Variants in FOXP2 observed in about 807,000 individuals in gnomAD.
FOXP2 encodes the protein forkhead box P2.
A neutral mutation model predicts 115.8 loss-of-function variants in FOXP2; 12 were observed. The ratio of observed to expected loss-of-function variants is 0.10; its 90% confidence interval spans 0.07 to 0.17. The LOEUF (loss-of-function observed/expected upper bound fraction) is 0.17. Ranked by LOEUF, FOXP2 falls within the 10% of genes least tolerant of loss-of-function variation. FOXP2 has a pLI of 1.00. For missense variants in FOXP2, 629 were observed against 843.5 expected, an observed-to-expected ratio of 0.75 and a Z score of 3.15; for synonymous variants, 328 against 297.7, an observed-to-expected ratio of 1.10 and a Z score of -1.05.
At chr7:114,226,566 C>A (rs1360471552) in intron 1 of FOXP2, among the ~76,000 whole-genome samples, 3 of 152,066 alleles carry the variant, frequency 2.0e-5, no homozygotes, top group Admixed American at 6.6e-5. Context: ...GAAGAGTTTG[C>A]TCTTAGAATT....
intron 1 of FOXP2, among the ~76,000 whole-genome samples, chr7:114,203,354 A>G (rs1442745242): frequency 6.6e-6 from 1 of 151,930 alleles, no homozygotes; most frequent in South Asian, 2.1e-4. Flanking sequence ...TTTTTTGGAG[A>G]CAGAATCTCA....
intron 2 of FOXP2, among the ~76,000 whole-genome samples, chr7:114,319,662 C>A (rs1258528738): frequency 1.3e-5 from 2 of 152,142 alleles, no homozygotes; most frequent in African/African-American, 4.8e-5. Context: ...CAGTCACCTC[C>A]CACTGGGTCC....
At chr7:114,676,651 G>A (rs1807784409) in intron 16 of FOXP2, among the ~76,000 whole-genome samples, 1 of 151,984 alleles carries the variant, frequency 6.6e-6, no homozygotes, top group Non-Finnish European at 1.5e-5. Flanking sequence ...TATCTATAGG[G>A]TTTTTTAAAA....
rs555128980 is a variant in FOXP2, at chr7:114,642,545, C to T, written c.911C>T (p.Thr304Ile). 1 of 1,613,874 alleles carries T rather than the reference C, an allele frequency of 6.2e-7. No homozygotes were observed. Among genetic ancestry groups the T allele is most frequent in the African/African-American group, 1.3e-5 (1 of 74,970 alleles). ...NNSSSTTSSN[T>I]SKASPPITHH... ...TCCTCCTCGACTACCTCCTCCAACA[C>T]TTCCAAAGCATCACCACCAATAACT... Residue 304 changes from threonine (T) to isoleucine (I), a missense_variant, in exon 7 of 17, where the codon ACT (threonine) becomes ATT (isoleucine). Thr to Ile is a moderately conservative substitution (Grantham distance 89). This residue lies in a region of FOXP2 where 92 missense variants were observed against 80.1 expected (regional missense o/e 1.15). Transcript: ENST00000350908.
At chr7:114,636,360 T>G (rs1805218001) in intron 6 of FOXP2, among the ~76,000 whole-genome samples, 1 of 152,282 alleles carries the variant, frequency 6.6e-6, no homozygotes, top group African/African-American at 2.4e-5. Context: ...AACTGAAAAG[T>G]ACATAGTAAT....
intron 3 of FOXP2, among the ~76,000 whole-genome samples, chr7:114,590,519 A>T (rs1211091905): frequency 6.6e-6 from 1 of 152,076 alleles, no homozygotes; most frequent in Non-Finnish European, 1.5e-5. Context: ...TTAACTTCCC[A>T]AGTCTGCTCC....
intron 2 of FOXP2, chr7:114,463,012 T>C (rs1795645747): frequency 9.6e-6 from 4 of 414,912 alleles, no homozygotes; most frequent in East Asian, 8.0e-5. Context: ...ATATGCATTG[T>C]TGTATTTTTT....
intron 1 of FOXP2, among the ~76,000 whole-genome samples, chr7:114,172,788 T>C (rs2129153238): frequency 6.6e-6 from 1 of 152,284 alleles, no homozygotes; most frequent in African/African-American, 2.4e-5. Context: ...GCAATCTCAA[T>C]GATTCTAAGT....
chr7:114,255,248 T>C (rs1051687246), intron 1 of FOXP2, among the ~76,000 whole-genome samples: 5 of 152,210 alleles, frequency 3.3e-5, no homozygotes, highest in African/African-American at 1.2e-4. Context: ...AGGGACCCAC[T>C]TGAGGAGGCA....
chr7:114,543,132 G>A (rs1799761305), intron 3 of FOXP2, among the ~76,000 whole-genome samples: 1 of 152,040 alleles, frequency 6.6e-6, no homozygotes, highest in African/African-American at 2.4e-5. Context: ...AATCATATAA[G>A]CTCATTACAA....
chr7:114,110,183 C>G (rs1791232391), intron 1 of FOXP2, among the ~76,000 whole-genome samples: 1 of 152,110 alleles, frequency 6.6e-6, no homozygotes, highest in African/African-American at 2.4e-5. Context: ...AGTCGTAGTT[C>G]TAACCTCCGT....
chr7:114,220,887 G>A (rs1051473976), intron 1 of FOXP2, among the ~76,000 whole-genome samples: 2 of 151,994 alleles, frequency 1.3e-5, no homozygotes, highest in Admixed American at 6.6e-5. Context: ...AAACTCTCTC[G>A]AAGTCTTTCT....
intron 10 of FOXP2, 139 bp from the exon 11 acceptor site, chr7:114,657,927 T>C (rs1806672048): frequency 1.4e-5 from 12 of 831,058 alleles, no homozygotes. Context: ...CTGTAATTAG[T>C]TGAGATTGGC....
chr7:114,413,542 G>A (rs890259527), upstream of FOXP2, among the ~76,000 whole-genome samples: 8 of 151,996 alleles, frequency 5.3e-5, no homozygotes, highest in Non-Finnish European at 7.4e-5. Flanking sequence ...GAAAAAAATT[G>A]CTAACAGAAT....
chr7:114,405,441 G>A (rs1377361388), intron 2 of FOXP2, among the ~76,000 whole-genome samples: 1 of 151,794 alleles, frequency 6.6e-6, no homozygotes, highest in Non-Finnish European at 1.5e-5. Flanking sequence ...TATTGGACCT[G>A]ACAATTGCTA....
chr7:114,089,411 G>A (rs902652085), intron 1 of FOXP2, among the ~76,000 whole-genome samples: 1 of 151,842 alleles, frequency 6.6e-6, no homozygotes, highest in Non-Finnish European at 1.5e-5. Context: ...TACCACTACC[G>A]TGTATATTAG....
chr7:114,270,215 A>G (rs1796001799), intron 1 of FOXP2, among the ~76,000 whole-genome samples: 1 of 152,136 alleles, frequency 6.6e-6, no homozygotes, highest in South Asian at 2.1e-4. Flanking sequence ...TATTTATCCA[A>G]TTACCTACTG....
At chr7:114,267,776 TAAATA>T (rs1485290591) in intron 1 of FOXP2, among the ~76,000 whole-genome samples, 2 of 139,902 alleles carry the variant, frequency 1.4e-5, no homozygotes, top group African/African-American at 2.8e-5. Context: ...AATAAATAAA[TAAATA>T]AAATAAATAT....
intron 5 of FOXP2, 35 bp from the exon 6 acceptor site, chr7:114,631,493 T>G: frequency 6.4e-7 from 1 of 1,552,150 alleles, no homozygotes; most frequent in Admixed American, 2.0e-5. Context: ...GACCATGTTC[T>G]CTGCTGTTTA....
Sources: allele counts gnomAD v4.1 joint callset (sites outside exome capture counted in the v4.1 genomes callset), GRCh38; gene constraint gnomAD v4.1.1; regional missense constraint gnomAD v4.1.1; transcripts MANE v1.5; gene names NCBI Gene and HGNC (gene_info 2026-07-23, HGNC 2026-07-21).